LRMDA: variants seen among roughly 807,000 people sequenced by gnomAD.
LRMDA encodes the protein leucine rich melanocyte differentiation associated, also known as leucine-rich melanocyte differentiation-associated protein.
A neutral mutation model predicts 29.8 loss-of-function variants in LRMDA; 18 were observed. The ratio of observed to expected loss-of-function variants is 0.60; its 90% confidence interval spans 0.42 to 0.90. The LOEUF is 0.90. Among genes scored for constraint, LRMDA ranks in the 40% least tolerant of loss-of-function variants. The pLI is 0.00. For synonymous variants in LRMDA, 125 were observed against 109.4 expected (o/e 1.14, Z -0.89); for missense variants, 273 against 273.9 (o/e 1.00, Z 0.02).
intron 5 of LRMDA, among the ~76,000 whole-genome samples, chr10:76,253,898 T>C (rs1174717880): frequency 6.6e-6 from 1 of 152,156 alleles, no homozygotes; most frequent in Non-Finnish European, 1.5e-5. Flanking sequence ...CTTTTTTCTT[T>C]TTTACTTTTC....
intron 2 of LRMDA, among the ~76,000 whole-genome samples, chr10:75,666,525 C>T (rs1043983257): frequency 6.6e-6 from 1 of 151,922 alleles, no homozygotes; most frequent in Non-Finnish European, 1.5e-5. Context: ...ATACATTACT[C>T]CTTGTACTAT....
intron 2 of LRMDA, among the ~76,000 whole-genome samples, chr10:76,001,995 C>T (rs1348599926): frequency 1.3e-5 from 2 of 152,114 alleles, no homozygotes; most frequent in Non-Finnish European, 2.9e-5. Context: ...GTGTCTTACT[C>T]AGCTTGGGCT....
rs555993540 is a variant in LRMDA at position 75,441,791 on chromosome 10, A to G, written c.131+3297A>G. ...CTTTTTTTTTTTCCTCCAAAGAGTT[A>G]TATCAGGATATTGCCTTAAACAGAG... On this transcript the variant is annotated intron_variant, in intron 2 of 6. Coordinates refer to ENST00000611255, the MANE Select transcript of LRMDA (RefSeq NM_001305581.2). Among the ~76,000 whole-genome samples, 189 of 151,620 alleles carry G rather than the reference A, an allele frequency of 1.2e-3. 1 individual carries two copies. The highest frequency in any genetic ancestry group is 4.4e-3 in the African/African-American group (182 of 41,242).
intron 2 of LRMDA, among the ~76,000 whole-genome samples, chr10:75,814,045 C>T (rs1234273388): frequency 2.6e-5 from 4 of 152,210 alleles, no homozygotes; most frequent in South Asian, 2.1e-4. Context: ...TGAATGTTTG[C>T]CATTCTTCCT....
At chr10:76,484,201 T>G (rs1266714946) in intron 6 of LRMDA, among the ~76,000 whole-genome samples, 1 of 151,680 alleles carries the variant, frequency 6.6e-6, no homozygotes, top group Admixed American at 6.6e-5. Context: ...TTTCTCTTTT[T>G]CTCCTTTACT....
At chr10:76,456,971 T>C (rs896217362) in intron 6 of LRMDA, among the ~76,000 whole-genome samples, 1 of 152,162 alleles carries the variant, frequency 6.6e-6, no homozygotes, top group Non-Finnish European at 1.5e-5. Context: ...TGAGTGTTGG[T>C]TTTTTCAAAT....
At chr10:76,022,403 T>C (rs1847989603) in intron 2 of LRMDA, among the ~76,000 whole-genome samples, 1 of 152,252 alleles carries the variant, frequency 6.6e-6, no homozygotes, top group African/African-American at 2.4e-5. Flanking sequence ...GCTCTTTTCT[T>C]CCATCTGCCT....
intron 5 of LRMDA, among the ~76,000 whole-genome samples, chr10:76,268,750 C>T (rs1455603132): frequency 1.3e-5 from 2 of 152,132 alleles, no homozygotes; most frequent in African/African-American, 4.8e-5. Flanking sequence ...GTCCTTACGC[C>T]CCCATTGCAT....
At chr10:75,631,295 C>T (rs11001446) in intron 2 of LRMDA, among the ~76,000 whole-genome samples, 2 of 152,144 alleles carry the variant, frequency 1.3e-5, no homozygotes, top group Non-Finnish European at 2.9e-5. Flanking sequence ...TGGGACCTCA[C>T]TGCAGCCACC....
chr10:76,208,292 A>G (rs1851573938), intron 5 of LRMDA, among the ~76,000 whole-genome samples: 1 of 152,214 alleles, frequency 6.6e-6, no homozygotes, highest in African/African-American at 2.4e-5. Flanking sequence ...AGCTTAAAAC[A>G]AGAAAGGCAG....
intron 5 of LRMDA, among the ~76,000 whole-genome samples, chr10:76,113,880 TC>T (rs1454770876): frequency 6.6e-6 from 1 of 152,192 alleles, no homozygotes; most frequent in Non-Finnish European, 1.5e-5. Flanking sequence ...CATTGTGCCC[TC>T]CTCTCTTCTT....
intron 2 of LRMDA, among the ~76,000 whole-genome samples, chr10:75,641,445 T>C (rs186762442): frequency 4.0e-5 from 6 of 151,114 alleles, no homozygotes; most frequent in Admixed American, 4.0e-4. Flanking sequence ...AAGTTTATAG[T>C]TTTGGTTTTT....
At chr10:76,493,612 G>A (rs1842855058) in intron 6 of LRMDA, among the ~76,000 whole-genome samples, 1 of 151,984 alleles carries the variant, frequency 6.6e-6, no homozygotes, top group Admixed American at 6.6e-5. Context: ...CTATCTTAAT[G>A]CCAATATCAC....
chr10:76,494,179 C>A (rs1026219016), intron 6 of LRMDA, among the ~76,000 whole-genome samples: 1 of 151,900 alleles, frequency 6.6e-6, no homozygotes, highest in East Asian at 1.9e-4. Flanking sequence ...GTTTCTGTTT[C>A]TTTCCTTATT....
intron 4 of LRMDA, among the ~76,000 whole-genome samples, chr10:76,056,582 C>T (rs565766860): frequency 1.1e-4 from 16 of 152,322 alleles, no homozygotes; most frequent in Admixed American, 9.8e-4. Context: ...TCATCAGCAC[C>T]CAAAGTCCAG....
intron 2 of LRMDA, among the ~76,000 whole-genome samples, chr10:75,629,867 T>C (rs116363037): frequency 2.4e-4 from 37 of 152,352 alleles, no homozygotes; most frequent in African/African-American, 8.9e-4. Context: ...ACCACTTCAG[T>C]AATAGACCTC....
intron 6 of LRMDA, among the ~76,000 whole-genome samples, chr10:76,375,232 C>T (rs1340842148): frequency 6.6e-6 from 1 of 151,786 alleles, no homozygotes; most frequent in African/African-American, 2.4e-5. Flanking sequence ...CTGACTATAC[C>T]CAAGTTGTTG....
chr10:76,324,598 T>G, intron 6 of LRMDA, 113 bp downstream of exon 6: 2 of 900,482 alleles, frequency 2.2e-6, no homozygotes, highest in Non-Finnish European at 3.5e-6. Context: ...ACAGTGCTTT[T>G]TAAGTCCTTG....
At chr10:76,315,338 G>C (rs1840679344) in intron 5 of LRMDA, among the ~76,000 whole-genome samples, 1 of 152,226 alleles carries the variant, frequency 6.6e-6, no homozygotes, top group South Asian at 2.1e-4. Context: ...CCTTGGTGCA[G>C]CTGCAGCTTC....
Sources: gnomAD v4.1 joint callset for allele counts (sites outside exome capture counted in the v4.1 genomes callset) on GRCh38, gnomAD v4.1.1 for gene constraint, MANE v1.5 for transcripts, NCBI Gene and HGNC (gene_info 2026-07-23, HGNC 2026-07-21) for gene names.